The following NFASC variants were observed in gnomAD, a reference collection of about 807,000 sequenced individuals.
NFASC encodes neurofascin homolog.
Under a neutral mutation model 147.5 loss-of-function variants are expected in NFASC, and 43 were observed. That is an observed-to-expected ratio of 0.29 (90% CI 0.23 to 0.38). NFASC has a LOEUF of 0.38. Ranked by LOEUF, NFASC falls within the 10% of genes least tolerant of loss-of-function variation. The probability of loss-of-function intolerance (pLI) is 1.00; values close to 1 mark genes in which losing one functional copy is unlikely to be tolerated. For synonymous variants in NFASC, 622 were observed against 665.5 expected (o/e 0.93, Z 1.01); for missense variants, 1,320 against 1,689.0 (o/e 0.78, Z 3.83).
chr1:204,852,450 A>C (rs1230494829), intron 1 of NFASC, among the ~76,000 whole-genome samples: 1 of 152,242 alleles, frequency 6.6e-6, no homozygotes, highest in East Asian at 1.9e-4. Flanking sequence ...CAGTGAGCTG[A>C]GATCGCGCCA....
chr1:205,000,034 T>C (rs1345073017), intron 25 of NFASC: 1 of 152,012 alleles, frequency 6.6e-6, no homozygotes, highest in Non-Finnish European at 1.5e-5. Context: ...GCCATTCTCC[T>C]CTACACAGGC....
chr1:204,997,337 A>ACTG lies in NFASC; in HGVS notation c.2955_2957dup (p.Ala987dup). 1 of 1,564,788 alleles carries ACTG rather than the reference A, an allele frequency of 6.4e-7. No homozygotes were observed. The highest frequency in any genetic ancestry group is 1.9e-5 in the Admixed American group (1 of 52,122). ...CACCGTCGCCACAACTACTACAACC[A>ACTG]CTGCTGCCGCCACCACCACCACGGA... On this transcript the variant is annotated inframe_insertion, in exon 25 of 30. Coordinates refer to ENST00000339876, the MANE Select transcript of NFASC (RefSeq NM_001005388.3).
intron 1 of NFASC, among the ~76,000 whole-genome samples, chr1:204,840,400 C>T (rs986607976): frequency 1.3e-5 from 2 of 152,194 alleles, no homozygotes; most frequent in Admixed American, 1.3e-4. Context: ...ATAGCCCAAT[C>T]TGAGAACCAC....
intron 1 of NFASC, among the ~76,000 whole-genome samples, chr1:204,906,141 A>G (rs1298013047): frequency 1.1e-4 from 16 of 152,164 alleles, no homozygotes; most frequent in Non-Finnish European, 2.4e-4. Flanking sequence ...CGTGAGGTGT[A>G]TCTTCATTGT....
At chr1:204,948,535 G>T in intron 3 of NFASC, 1 of 514,002 alleles carries the variant, frequency 1.9e-6, no homozygotes, top group Non-Finnish European at 3.9e-6. Context: ...GAGTCCTGAG[G>T]CCCCAGCTGG....
At chr1:204,942,508 G>A (rs887785448) in intron 2 of NFASC, among the ~76,000 whole-genome samples, 2 of 152,180 alleles carry the variant, frequency 1.3e-5, no homozygotes, top group Non-Finnish European at 2.9e-5. Flanking sequence ...TTGCACTAGG[G>A]GAGTAGCACA....
At position 205,009,860 on chromosome 1, in the gene NFASC, T is replaced by A; in HGVS notation, c.3421+172T>A. The A allele has an allele frequency of 4.1e-6, 3 of 730,148 alleles. No homozygotes were observed. In the South Asian group the frequency reaches 5.3e-5, roughly 13 times the overall value. The allele number at this position is 730,148 out of a possible 1,614,324, so 45.2% of individuals were successfully genotyped here. A position where few individuals can be genotyped will look rare whatever the true frequency, so the allele number is the denominator to read the frequency against. On this transcript the variant is annotated intron_variant, in intron 28 of 29. Coordinates refer to ENST00000339876, the MANE Select transcript of NFASC (RefSeq NM_001005388.3). The stretch of plus-strand genomic sequence containing the variant: ...CATCTTCAGACTGCCAGCGAGCACT[T>A]GAGTTAATTAAGTTCGCCTGAGTTG...
At position 204,987,269 on chromosome 1, in the gene NFASC, A is replaced by C; in HGVS notation, c.2471-149A>C. On this transcript the variant is annotated intron_variant, in intron 21 of 29. Coordinates refer to ENST00000339876, the MANE Select transcript of NFASC (RefSeq NM_001005388.3). The surrounding 1 kb of genome is among the most constrained non-coding windows in gnomAD (Gnocchi z 4.4). ...TGGGGCAATGGGCTCCGGTCGTCTC[A>C]CGGTTCTCCCAGGCTTCAGTTTAGC... 1 of 722,372 alleles carries C rather than the reference A, an allele frequency of 1.4e-6. No individual in the cohort carries two copies. The highest frequency in any genetic ancestry group is 2.3e-6 in the Non-Finnish European group (1 of 436,350). 44.7% of individuals were successfully genotyped at this position (722,372 alleles called of 1,614,324 possible).
At chr1:204,981,143 T>C (rs989742906) in intron 20 of NFASC, among the ~76,000 whole-genome samples, 1 of 152,242 alleles carries the variant, frequency 6.6e-6, no homozygotes, top group African/African-American at 2.4e-5. Context: ...CTTCCCTGTC[T>C]TTCTGAAGGC....
At position 204,930,320 on chromosome 1, in the gene NFASC, C is replaced by T. The variant is rs559553043; in HGVS notation, c.-91+9580C>T. Among the ~76,000 whole-genome samples, 5 of 152,232 alleles carry T rather than the reference C, an allele frequency of 3.3e-5. No individual in the cohort carries two copies. In the South Asian group the frequency reaches 1.0e-3, roughly 32 times the overall value. ...TGCAGAGCCGGGGCAGGCTCTGCTA[C>T]AGGGACAGGATGCTGGTTAGATGTT... On this transcript the variant is annotated intron_variant, in intron 2 of 29. Coordinates refer to ENST00000339876, the MANE Select transcript of NFASC (RefSeq NM_001005388.3).
intron 1 of NFASC, among the ~76,000 whole-genome samples, chr1:204,887,937 T>TAAGA (rs952148985): frequency 1.3e-5 from 2 of 152,114 alleles, no homozygotes; most frequent in Non-Finnish European, 2.9e-5. Flanking sequence ...AGGCTGGAAA[T>TAAGA]ACAGCTCTGT....
At chr1:204,866,997 C>T (rs1000917579) in intron 1 of NFASC, among the ~76,000 whole-genome samples, 8 of 152,066 alleles carry the variant, frequency 5.3e-5, no homozygotes, top group Non-Finnish European at 7.4e-5. Context: ...GCAAATTTTA[C>T]TCCAGAGATG....
intron 1 of NFASC, among the ~76,000 whole-genome samples, chr1:204,839,642 G>A (rs1674729579): frequency 6.6e-6 from 1 of 152,190 alleles, no homozygotes; most frequent in Admixed American, 6.5e-5. Flanking sequence ...GGGCTGTACC[G>A]AGGTAGGGCT....
At position 204,847,267 on chromosome 1, in the gene NFASC, A is replaced by G. The variant is rs568605309; in HGVS notation, c.-200+18485A>G. On this transcript the variant is annotated intron_variant, in intron 1 of 29. Transcript: ENST00000339876. Reference sequence around the variant, plus strand: ...AGCTACCAGATATTCAAAGCTTACTATGTGCTAGACAATGTCCTAAGTGCT... The same window carrying G: ...AGCTACCAGATATTCAAAGCTTACTGTGTGCTAGACAATGTCCTAAGTGCT... Among the ~76,000 whole-genome samples the G allele has an allele frequency of 3.3e-5, 5 of 152,294 alleles. No homozygotes were observed. In the South Asian group the frequency reaches 8.3e-4, roughly 25 times the overall value.
chr1:204,973,495 T>C lies in NFASC; in HGVS notation c.1279+76T>C, dbSNP rs2095317741. On this transcript the variant is annotated intron_variant, in intron 12 of 29. Coordinates refer to ENST00000339876, the MANE Select transcript of NFASC (RefSeq NM_001005388.3). ...GTCGCCCTGGGGCTTGGTTATGTCG[T>C]GGGGCACACTTTCTTCTCCGGGGAT... is the stretch of plus-strand genomic sequence containing the variant. 6 of 1,542,940 alleles carry C rather than the reference T, an allele frequency of 3.9e-6. No homozygotes were observed. The Admixed American group carries it at 1.1e-4, about 29-fold the overall frequency.
chr1:204,871,352 G>A (rs75828603), intron 1 of NFASC, among the ~76,000 whole-genome samples: 2,969 of 152,284 alleles, frequency 0.019, 121 homozygotes, highest in African/African-American at 0.068. Flanking sequence ...AGGAGGAAGA[G>A]AGGCCAAGGA....
rs904554464 is a variant in NFASC at position 204,968,591 on chromosome 1, C to T, written c.819-207C>T. 5.5e-5 allele frequency: 34 copies of T among 615,248 alleles called. No homozygotes were observed. Among genetic ancestry groups the T allele is most frequent in the African/African-American group, 3.7e-5 (2 of 54,144 alleles). 38.1% of individuals were successfully genotyped at this position (615,248 alleles called of 1,614,324 possible). ...AAGGTGATTAGGCATCCCGTAGATG[C>T]GTTAGAATCTCGTGGGACCTTAGCT... is the stretch of plus-strand genomic sequence containing the variant. On this transcript the variant is annotated intron_variant, in intron 9 of 29. Coordinates refer to ENST00000339876, the MANE Select transcript of NFASC (RefSeq NM_001005388.3). The surrounding 1 kb of genome is among the most constrained non-coding windows in gnomAD (Gnocchi z 5.4).
At chr1:204,984,466 G>A (rs2095574986) in intron 21 of NFASC, 1 of 153,052 alleles carries the variant, frequency 6.5e-6, no homozygotes, top group African/African-American at 2.5e-5. Context: ...AGAAAATCAC[G>A]TGAAAGGTGG....
intron 1 of NFASC, among the ~76,000 whole-genome samples, chr1:204,909,911 G>GTT (rs982126229): frequency 6.8e-6 from 1 of 147,076 alleles, no homozygotes; most frequent in Non-Finnish European, 1.5e-5. Context: ...TCTATTTTGG[G>GTT]TTTTTTTTTT....
Sources: allele counts gnomAD v4.1 joint callset (sites outside exome capture counted in the v4.1 genomes callset), GRCh38; gene constraint gnomAD v4.1.1; non-coding constraint Gnocchi (gnomAD v3.1); transcripts MANE v1.5; gene names NCBI Gene and HGNC (gene_info 2026-07-23, HGNC 2026-07-21).